Variants in MAPRE2 observed in about 807,000 individuals in gnomAD.
MAPRE2 encodes the protein microtubule-associated protein RP/EB family member 2.
A neutral mutation model predicts 43.2 loss-of-function variants in MAPRE2; 13 were observed. The observed-to-expected ratio is 0.30, with a 90% CI of 0.20 to 0.48. The LOEUF (loss-of-function observed/expected upper bound fraction) is 0.48. MAPRE2 is among the 20% of genes least tolerant of loss of function. The pLI is 0.99. For missense variants in MAPRE2, 161 were observed against 400.2 expected (o/e 0.40, Z 5.10); for synonymous variants, 135 against 148.8 (o/e 0.91, Z 0.68).
intron 1 of MAPRE2, among the ~76,000 whole-genome samples, chr18:35,056,647 T>C (rs1038835430): frequency 6.6e-6 from 1 of 152,232 alleles, no homozygotes; most frequent in Non-Finnish European, 1.5e-5. Flanking sequence ...CTTCATCCAC[T>C]GACCCTTCTT....
chr18:35,137,550 C>G (rs1312498420), intron 6 of MAPRE2, among the ~76,000 whole-genome samples: 1 of 152,154 alleles, frequency 6.6e-6, no homozygotes, highest in African/African-American at 2.4e-5. Context: ...CTGAAATCTT[C>G]TTTTCAGAAG....
intron 1 of MAPRE2, among the ~76,000 whole-genome samples, chr18:34,980,063 G>A (rs1244136934): frequency 8.1e-6 from 1 of 123,304 alleles, no homozygotes; most frequent in South Asian, 2.5e-4. Context: ...TTGAGACAGA[G>A]TCTCACTCTG....
intron 2 of MAPRE2, among the ~76,000 whole-genome samples, chr18:35,018,987 G>A (rs1266866791): frequency 6.6e-6 from 1 of 151,970 alleles, no homozygotes; most frequent in East Asian, 1.9e-4. Flanking sequence ...CACTGCATTT[G>A]CTGGATCCCA....
intron 1 of MAPRE2, among the ~76,000 whole-genome samples, chr18:34,980,074 T>C (rs2097015398): frequency 6.7e-6 from 1 of 148,842 alleles, no homozygotes; most frequent in Non-Finnish European, 1.5e-5. Context: ...TCTCACTCTG[T>C]TGCCCAGGCT....
chr18:34,981,877 A>AATTTTTTTTTTT (rs2097016441), intron 1 of MAPRE2, among the ~76,000 whole-genome samples: 1 of 35,892 alleles, frequency 2.8e-5, no homozygotes, highest in Non-Finnish European at 7.8e-5. Context: ...TTTTTTTTTT[A>AATTTTTTTTTTT]TTTTTATTTA....
chr18:35,122,638 C>T (rs992617468), intron 4 of MAPRE2, among the ~76,000 whole-genome samples: 1 of 152,216 alleles, frequency 6.6e-6, no homozygotes, highest in Non-Finnish European at 1.5e-5. Context: ...TGAGGCTTAA[C>T]GGTGGGGCAG....
intron 2 of MAPRE2, among the ~76,000 whole-genome samples, chr18:35,020,422 G>C (rs145758988): frequency 1.4e-4 from 22 of 152,144 alleles, no homozygotes; most frequent in Middle Eastern, 3.4e-3. Context: ...CCCTTGGTGA[G>C]TGCCATGTTC....
chr18:35,007,404 C>G (rs972863177), intron 2 of MAPRE2, among the ~76,000 whole-genome samples: 3 of 152,164 alleles, frequency 2.0e-5, no homozygotes, highest in Non-Finnish European at 4.4e-5. Flanking sequence ...TTCTAAATCT[C>G]CTTATATATG....
rs1188686831 is a variant in MAPRE2 at position 35,041,425 on chromosome 18, A to C, written c.-115A>C. On this transcript the variant is annotated 5_prime_UTR_variant, in exon 1 of 7. Transcript: ENST00000300249. ...GAGCGAGAGCTGGGAGAAGGCAGTG[A>C]GCGAGCAGGCGGCAGGCACGGTCCG... is the stretch of plus-strand genomic sequence containing the variant. 1.3e-6 allele frequency: 2 copies of C among 1,570,108 alleles called. No individual in the cohort carries two copies. The highest frequency in any genetic ancestry group is 2.7e-5 in the African/African-American group (2 of 73,758).
chr18:35,063,599 G>A (rs182342752), intron 1 of MAPRE2, among the ~76,000 whole-genome samples: 222 of 152,166 alleles, frequency 1.5e-3, no homozygotes, highest in African/African-American at 4.0e-3. Flanking sequence ...TCCTTGCAGC[G>A]CAGCAGATAG....
chr18:35,084,048 C>A (rs891396165), intron 2 of MAPRE2, among the ~76,000 whole-genome samples: 16 of 152,150 alleles, frequency 1.1e-4, no homozygotes, highest in Non-Finnish European at 4.4e-5. Context: ...TGTAGTTCTG[C>A]AGGCTTCTTA....
At chr18:35,077,357 A>G (rs1907420954) in intron 2 of MAPRE2, among the ~76,000 whole-genome samples, 1 of 152,206 alleles carries the variant, frequency 6.6e-6, no homozygotes, top group Non-Finnish European at 1.5e-5. Flanking sequence ...AGAAATTCCC[A>G]GATGTCATAG....
chr18:35,031,171 C>T (rs778054667), intron 2 of MAPRE2, among the ~76,000 whole-genome samples: 1 of 152,222 alleles, frequency 6.6e-6, no homozygotes, highest in Non-Finnish European at 1.5e-5. Flanking sequence ...ACCACATACA[C>T]TTGCTCATAC....
At chr18:35,124,299 AACTC>A (rs1159843529) in intron 4 of MAPRE2, among the ~76,000 whole-genome samples, 5 of 152,236 alleles carry the variant, frequency 3.3e-5, no homozygotes, top group Admixed American at 1.3e-4. Flanking sequence ...ATCTCATGAG[AACTC>A]ACTCAATATC....
At chr18:34,984,000 A>T (rs2097017721) in intron 1 of MAPRE2, among the ~76,000 whole-genome samples, 1 of 141,574 alleles carries the variant, frequency 7.1e-6, no homozygotes, top group Admixed American at 7.0e-5. Context: ...GGCAAGGATC[A>T]CTAAATACTA....
At chr18:35,003,823 G>A (rs1395609768) in intron 1 of MAPRE2, among the ~76,000 whole-genome samples, 1 of 152,170 alleles carries the variant, frequency 6.6e-6, no homozygotes, top group Non-Finnish European at 1.5e-5. Context: ...AACCAATATT[G>A]TTAAAATCTG....
At chr18:35,041,363 A>T (rs1905349425), upstream of MAPRE2, 1 of 1,451,296 alleles carries the variant, frequency 6.9e-7, no homozygotes. Flanking sequence ...CTCTGACGTC[A>T]GCTGCCAGAG....
At chr18:35,133,859 C>T (rs886581148) in intron 6 of MAPRE2, among the ~76,000 whole-genome samples, 11 of 152,136 alleles carry the variant, frequency 7.2e-5, no homozygotes, top group African/African-American at 2.7e-4. Flanking sequence ...ACCTAGATGA[C>T]CGCACTCAGT....
At chr18:35,061,000 C>T (rs191541915) in intron 1 of MAPRE2, among the ~76,000 whole-genome samples, 3 of 152,116 alleles carry the variant, frequency 2.0e-5, no homozygotes, top group South Asian at 2.1e-4. Flanking sequence ...GAAAAATAAT[C>T]ATTAATGGTA....
Sources: gnomAD v4.1 joint callset for allele counts (sites outside exome capture counted in the v4.1 genomes callset) on GRCh38, gnomAD v4.1.1 for gene constraint, MANE v1.5 for transcripts, NCBI Gene and HGNC (gene_info 2026-07-23, HGNC 2026-07-21) for gene names.